Variants in CSMD1 observed in about 807,000 individuals in gnomAD.
CSMD1 encodes the protein CUB and sushi domain-containing protein 1.
A neutral mutation model predicts 417.5 loss-of-function variants in CSMD1; 213 were observed. The ratio of observed to expected loss-of-function variants is 0.51; its 90% CI spans 0.46 to 0.57. The LOEUF is 0.57. Ranked by LOEUF, CSMD1 falls within the 20% of genes least tolerant of loss-of-function variation. The pLI is 0.00. For missense variants in CSMD1, 6,923 were observed against 4,529.7 expected (o/e 1.53, Z -15.17); for synonymous variants, 2,862 against 1,736.8 (o/e 1.65, Z -16.11).
intron 3 of CSMD1, among the ~76,000 whole-genome samples, chr8:4,042,057 G>C (rs545259430): frequency 5.4e-4 from 82 of 152,158 alleles, no homozygotes; most frequent in African/African-American, 1.9e-3. Flanking sequence ...GCAGACACAA[G>C]TATGTAATTA....
intron 10 of CSMD1, among the ~76,000 whole-genome samples, chr8:3,504,135 GATGA>G (rs1448280580): frequency 6.6e-6 from 1 of 152,098 alleles, no homozygotes; most frequent in African/African-American, 2.4e-5. Flanking sequence ...TGTTTGAAGT[GATGA>G]ATATGTTAAT....
At chr8:3,005,824 G>A (rs1338326140) in intron 52 of CSMD1, among the ~76,000 whole-genome samples, 1 of 152,058 alleles carries the variant, frequency 6.6e-6, no homozygotes, top group Non-Finnish European at 1.5e-5. Flanking sequence ...CATACTGAAT[G>A]GGCAAAAACT....
chr8:4,758,812 A>G (rs1293430869), intron 1 of CSMD1, among the ~76,000 whole-genome samples: 2 of 152,164 alleles, frequency 1.3e-5, no homozygotes, highest in African/African-American at 4.8e-5. Flanking sequence ...CTTCCCCCAT[A>G]ATCCAACCAC....
chr8:4,443,248 T>C (rs1441703331), intron 2 of CSMD1, among the ~76,000 whole-genome samples: 2 of 152,206 alleles, frequency 1.3e-5, no homozygotes, highest in African/African-American at 4.8e-5. Flanking sequence ...AGATGGATAA[T>C]GTCAAATCAT....
chr8:3,146,204 G>C (rs557295459), intron 40 of CSMD1, among the ~76,000 whole-genome samples: 1 of 152,140 alleles, frequency 6.6e-6, no homozygotes, highest in Non-Finnish European at 1.5e-5. Flanking sequence ...AATGGGGTAA[G>C]GCAGACAGAA....
intron 3 of CSMD1, among the ~76,000 whole-genome samples, chr8:4,257,222 G>C (rs558215691): frequency 2.0e-5 from 3 of 152,064 alleles, no homozygotes; most frequent in African/African-American, 7.2e-5. Flanking sequence ...TATTGAAAGA[G>C]ACTAATACTA....
intron 7 of CSMD1, among the ~76,000 whole-genome samples, chr8:3,638,730 T>C (rs1797165262): frequency 6.6e-6 from 1 of 152,134 alleles, no homozygotes; most frequent in Non-Finnish European, 1.5e-5. Flanking sequence ...ATACAGAATG[T>C]AGCTGTGAAC....
intron 41 of CSMD1, among the ~76,000 whole-genome samples, chr8:3,131,914 C>T (rs1322313077): frequency 6.6e-6 from 1 of 152,192 alleles, no homozygotes; most frequent in Non-Finnish European, 1.5e-5. Context: ...ATTCTATCCT[C>T]AAGGCCCCAG....
chr8:3,554,742 G>C (rs530983679), intron 10 of CSMD1, among the ~76,000 whole-genome samples: 1 of 152,302 alleles, frequency 6.6e-6, no homozygotes, highest in African/African-American at 2.4e-5. Flanking sequence ...TCCACAGAGG[G>C]TCAATACTTC....
intron 2 of CSMD1, among the ~76,000 whole-genome samples, chr8:4,449,991 G>A (rs192402734): frequency 1.9e-4 from 29 of 152,236 alleles, no homozygotes; most frequent in African/African-American, 7.0e-4. Flanking sequence ...CACTGGCCCT[G>A]TCCTAGCCAT....
intron 3 of CSMD1, among the ~76,000 whole-genome samples, chr8:4,085,237 G>T (rs749972235): frequency 2.6e-5 from 4 of 152,034 alleles, no homozygotes; most frequent in African/African-American, 7.2e-5. Context: ...ATTGATTTAG[G>T]GACCCTGACA....
chr8:3,675,562 T>C (rs756753601), intron 7 of CSMD1, among the ~76,000 whole-genome samples: 9 of 152,070 alleles, frequency 5.9e-5, no homozygotes, highest in Non-Finnish European at 7.4e-5. Context: ...CAGGAAGTGA[T>C]TTGGTTTACA....
At chr8:4,672,951 G>A (rs188073692) in intron 1 of CSMD1, among the ~76,000 whole-genome samples, 2 of 151,642 alleles carry the variant, frequency 1.3e-5, no homozygotes, top group African/African-American at 2.4e-5. Context: ...TGGTGACACG[G>A]CACACATACA....
chr8:4,360,943 T>C (rs1229502426), intron 3 of CSMD1, among the ~76,000 whole-genome samples: 1 of 152,186 alleles, frequency 6.6e-6, no homozygotes, highest in Non-Finnish European at 1.5e-5. Flanking sequence ...TTTTAATCAT[T>C]TCATGGGACT....
chr8:4,263,841 C>G (rs930279680), intron 3 of CSMD1, among the ~76,000 whole-genome samples: 2 of 152,136 alleles, frequency 1.3e-5, no homozygotes, highest in African/African-American at 4.8e-5. Flanking sequence ...TTTGATAGCA[C>G]TCAAAAACAT....
At chr8:3,022,908 T>C (rs1051865952) in intron 51 of CSMD1, among the ~76,000 whole-genome samples, 18 of 152,194 alleles carry the variant, frequency 1.2e-4, no homozygotes, top group Non-Finnish European at 1.8e-4. Flanking sequence ...ATAAGTCACA[T>C]AGGAAGCCTG....
intron 26 of CSMD1, among the ~76,000 whole-genome samples, chr8:3,242,773 C>A (rs911599537): frequency 6.6e-6 from 1 of 151,112 alleles, no homozygotes; most frequent in Admixed American, 6.6e-5. Flanking sequence ...TTCGGGGTTT[C>A]TTACCCTCCA....
At chr8:3,119,096 C>T (rs1159626516) in intron 41 of CSMD1, among the ~76,000 whole-genome samples, 9 of 151,932 alleles carry the variant, frequency 5.9e-5, no homozygotes, top group South Asian at 4.2e-4. Context: ...GGGAGAATGG[C>T]GTGAACCTGG....
intron 9 of CSMD1, among the ~76,000 whole-genome samples, chr8:3,580,903 A>G (rs951481287): frequency 6.6e-6 from 1 of 152,246 alleles, no homozygotes; most frequent in Admixed American, 6.5e-5. Flanking sequence ...TTTTTGGTAA[A>G]TGATGAGTTC....
Sources: allele counts gnomAD v4.1 joint callset (sites outside exome capture counted in the v4.1 genomes callset), GRCh38; gene constraint gnomAD v4.1.1; transcripts MANE v1.5; gene names NCBI Gene and HGNC (gene_info 2026-07-23, HGNC 2026-07-21).